DRICH1: variants seen among roughly 807,000 people sequenced by gnomAD.
DRICH1 encodes aspartate rich 1, also known as aspartate-rich protein 1.
A neutral mutation model predicts 39.5 loss-of-function variants in DRICH1; 38 were observed. The observed-to-expected ratio is 0.96, with a 90% CI of 0.74 to 1.26. The LOEUF (loss-of-function observed/expected upper bound fraction) is 1.26, where lower values mean the gene tolerates loss of function less well. Among genes scored for constraint, DRICH1 ranks in the 50% most tolerant of loss-of-function variants. DRICH1 has a pLI of 0.00. For synonymous variants in DRICH1, 84 were observed against 99.5 expected, an observed-to-expected ratio of 0.84 and a Z score of 0.93; for missense variants, 279 against 270.4, an observed-to-expected ratio of 1.03 and a Z score of -0.22.
At chr22:23,614,632 T>C (rs1398732917) in intron 8 of DRICH1, among the ~76,000 whole-genome samples, 1 of 152,248 alleles carries the variant, frequency 6.6e-6, no homozygotes, top group Non-Finnish European at 1.5e-5. Flanking sequence ...ATTTATTACT[T>C]ATTTAAAATC....
At position 23,615,303 on chromosome 22, in the gene DRICH1, G is replaced by C. The variant is rs576667108; in HGVS notation, c.542-1089C>G. ...AGGCAGGAGAATCACTTGAATCTTG[G>C]AGGCAGAGGTTGCAGTGAGCCGCGA... On this transcript the variant is annotated intron_variant, in intron 8 of 11. Coordinates refer to ENST00000317749, the MANE Select transcript of DRICH1 (RefSeq NM_016449.4). 5.9e-5 allele frequency among the ~76,000 whole-genome samples: 9 copies of C among 152,300 alleles called. No individual in the cohort carries two copies. The East Asian group carries it at 1.7e-3, about 29-fold the overall frequency.
downstream of DRICH1, among the ~76,000 whole-genome samples, chr22:23,604,257 C>T (rs142214598): frequency 2.0e-5 from 3 of 152,270 alleles, no homozygotes; most frequent in East Asian, 5.8e-4. Flanking sequence ...ACCTTGGCCC[C>T]AGGACTCACT....
At chr22:23,595,018 C>T in the DRICH1 span, among the ~76,000 whole-genome samples, 3 of 148,840 alleles carry the variant, frequency 2.0e-5, no homozygotes, top group East Asian at 2.0e-4. Context: ...AAGCAGAGCC[C>T]ACCATGGGTG....
the DRICH1 span, among the ~76,000 whole-genome samples, chr22:23,593,392 G>A: frequency 2.0e-5 from 3 of 152,152 alleles, no homozygotes; most frequent in African/African-American, 4.8e-5. Context: ...GGCCGGGTGC[G>A]GTGGCTCATG....
At chr22:23,615,813 G>A (rs1395339886) in intron 8 of DRICH1, among the ~76,000 whole-genome samples, 2 of 152,230 alleles carry the variant, frequency 1.3e-5, no homozygotes, top group African/African-American at 4.8e-5. Flanking sequence ...GCACTCATAA[G>A]TTTCACAGAT....
At chr22:23,617,889 C>T (rs543009868) in intron 6 of DRICH1, among the ~76,000 whole-genome samples, 1 of 152,282 alleles carries the variant, frequency 6.6e-6, no homozygotes, top group South Asian at 2.1e-4. Context: ...GGAACTAAAG[C>T]ACACACTAAG....
intron 4 of DRICH1, among the ~76,000 whole-genome samples, chr22:23,621,470 C>A (rs376434226): frequency 6.6e-6 from 1 of 151,862 alleles, no homozygotes. Flanking sequence ...ATGTGACACC[C>A]ACGAAGATTG....
chr22:23,622,823 C>T (rs748570489), intron 3 of DRICH1, among the ~76,000 whole-genome samples: 2 of 151,334 alleles, frequency 1.3e-5, no homozygotes, highest in African/African-American at 2.4e-5. Context: ...CACTCTCCCT[C>T]AGGAGATTCC....
At chr22:23,596,286 T>C in the DRICH1 span, among the ~76,000 whole-genome samples, 1 of 152,148 alleles carries the variant, frequency 6.6e-6, no homozygotes, top group Admixed American at 6.5e-5. Context: ...CTTCCCCTTT[T>C]GACAGAGTCT....
chr22:23,617,512 T>C, intron 7 of DRICH1, 63 bp downstream of exon 7: 1 of 1,567,986 alleles, frequency 6.4e-7, no homozygotes, highest in Non-Finnish European at 8.8e-7. Flanking sequence ...ATTGGATTGG[T>C]GAGTTTGTTT....
chr22:23,589,449 A>AT, the DRICH1 span, among the ~76,000 whole-genome samples: 2 of 151,758 alleles, frequency 1.3e-5, no homozygotes, highest in African/African-American at 4.8e-5. Flanking sequence ...ACACTGTCTC[A>AT]TTAAAAAAAA....
downstream of DRICH1, among the ~76,000 whole-genome samples, chr22:23,604,149 C>A (rs1432245300): frequency 6.6e-6 from 1 of 152,118 alleles, no homozygotes; most frequent in Non-Finnish European, 1.5e-5. Context: ...CTCATCGATT[C>A]CCTGCAAACA....
intron 4 of DRICH1, among the ~76,000 whole-genome samples, chr22:23,621,566 G>A (rs1220417479): frequency 2.0e-5 from 3 of 152,084 alleles, no homozygotes; most frequent in Admixed American, 1.3e-4. Context: ...TGTGCTGGGT[G>A]TGTCTGCCCA....
chr22:23,601,645 G>C, the DRICH1 span, among the ~76,000 whole-genome samples: 1 of 152,160 alleles, frequency 6.6e-6, no homozygotes, highest in South Asian at 2.1e-4. Flanking sequence ...CTGTATCAAT[G>C]TCAATCTCCT....
At chr22:23,632,402 G>T, upstream of DRICH1, 2 of 287,960 alleles carry the variant, frequency 6.9e-6, no homozygotes, top group Non-Finnish European at 1.3e-5. Context: ...GCCAGGTCAG[G>T]CTAGTGACTC....
the DRICH1 span, among the ~76,000 whole-genome samples, chr22:23,599,715 G>C: frequency 6.6e-6 from 1 of 152,146 alleles, no homozygotes; most frequent in Non-Finnish European, 1.5e-5. Flanking sequence ...TCCAGCCCTG[G>C]TTCAAGCTCC....
the DRICH1 span, among the ~76,000 whole-genome samples, chr22:23,589,057 A>G: frequency 2.0e-5 from 3 of 150,954 alleles, no homozygotes; most frequent in Non-Finnish European, 2.9e-5. Context: ...CACTTCATCC[A>G]TCTTCAGGTG....
chr22:23,587,388 C>T, the DRICH1 span, among the ~76,000 whole-genome samples: 1 of 152,224 alleles, frequency 6.6e-6, no homozygotes, highest in Non-Finnish European at 1.5e-5. Context: ...GGGTTTCTCC[C>T]TGCCCTTTCC....
At chr22:23,600,738 T>C in the DRICH1 span, among the ~76,000 whole-genome samples, 1 of 151,174 alleles carries the variant, frequency 6.6e-6, no homozygotes, top group Non-Finnish European at 1.5e-5. Flanking sequence ...AGTGGTGCGA[T>C]CTCGGCCCAC....
Sources: gnomAD v4.1 joint callset for allele counts (sites outside exome capture counted in the v4.1 genomes callset) on GRCh38, gnomAD v4.1.1 for gene constraint, MANE v1.5 for transcripts, NCBI Gene and HGNC (gene_info 2026-07-23, HGNC 2026-07-21) for gene names.